NID2: variants seen among roughly 807,000 people sequenced by gnomAD.
NID2 encodes nidogen 2, also known as nidogen-2.
In NID2, 83 loss-of-function variants were observed where a neutral mutation model predicts 145.4. The observed-to-expected ratio is 0.57, with a 90% CI of 0.48 to 0.69. The LOEUF is 0.69. Ranked by LOEUF, NID2 falls within the 30% of genes least tolerant of loss-of-function variation. The pLI, the probability that NID2 is intolerant of heterozygous loss-of-function variation, is 0.00. For missense variants in NID2, 1,807 were observed against 1,765.7 expected (o/e 1.02, Z -0.42); for synonymous variants, 739 against 701.3 (o/e 1.05, Z -0.85).
At position 52,017,481 on chromosome 14, in the gene NID2, G is replaced by A. The variant is rs142404550; in HGVS notation, c.3028+1580C>T. ...GGAAAAAGTCCGCACAAGAGAACAC[G>A]ACCCTATTTTCGTCATTCACTTCTC... On this transcript the variant is annotated intron_variant, in intron 14 of 21. Transcript: ENST00000216286. Among the ~76,000 whole-genome samples the A allele has an allele frequency of 1.2e-4, 19 of 152,110 alleles. 1 individual carries two copies. The highest frequency in any genetic ancestry group is 1.2e-3 in the Admixed American group (18 of 15,274).
At chr14:52,065,576 C>A (rs1893170889) in intron 2 of NID2, among the ~76,000 whole-genome samples, 1 of 127,108 alleles carries the variant, frequency 7.9e-6, no homozygotes, top group African/African-American at 3.1e-5. Context: ...CATATGTATA[C>A]ATGTGCCATG....
chr14:52,048,767 A>G (rs1892590716), intron 5 of NID2, among the ~76,000 whole-genome samples: 1 of 152,144 alleles, frequency 6.6e-6, no homozygotes, highest in Non-Finnish European at 1.5e-5. Context: ...GGCTCTTTGA[A>G]ATAGTATGGT....
At chr14:52,021,530 G>A (rs551334298) in intron 12 of NID2, among the ~76,000 whole-genome samples, 4 of 152,172 alleles carry the variant, frequency 2.6e-5, no homozygotes, top group South Asian at 2.1e-4. Flanking sequence ...GGCATTAAGC[G>A]TAGGTGTTCT....
At position 52,060,106 on chromosome 14, in the gene NID2, C is replaced by G; in HGVS notation, c.767+18G>C. 1.9e-6 allele frequency: 3 copies of G among 1,552,804 alleles called. No individual in the cohort carries two copies. The highest frequency in any genetic ancestry group is 2.3e-5 in the South Asian group (2 of 88,254). Reference sequence around the variant, plus strand: ...CTTATATTCAAATAGGAAAGGGCTTCAGCTCAATGTTACTTACTGATAGAG... The same window carrying G: ...CTTATATTCAAATAGGAAAGGGCTTGAGCTCAATGTTACTTACTGATAGAG... On this transcript the variant is annotated intron_variant, in intron 3 of 21. Coordinates refer to ENST00000216286, the MANE Select transcript of NID2 (RefSeq NM_007361.4).
At chr14:52,040,390 C>T (rs1892235207) in intron 8 of NID2, among the ~76,000 whole-genome samples, 1 of 152,224 alleles carries the variant, frequency 6.6e-6, no homozygotes, top group East Asian at 1.9e-4. Flanking sequence ...CATCCCTACC[C>T]ACCCCATGGA....
Position 52,006,118 on chromosome 14 carries a change from C to G in NID2, c.4005-269G>C, listed in dbSNP as rs534612887. ...CTTAGACTTTAATGTTCCACAGTTC[C>G]TCATTTGAGAACTAGTCTAAATAGT... On this transcript the variant is annotated intron_variant, in intron 20 of 21. Transcript: ENST00000216286. 219 of 465,266 alleles carry G rather than the reference C, an allele frequency of 4.7e-4. 2 individuals carry two copies. The highest frequency in any genetic ancestry group is 4.7e-5 in the Non-Finnish European group (12 of 253,116). The allele number at this position is 465,266 out of a possible 1,614,324, so 28.8% of individuals were successfully genotyped here.
chr14:52,020,666 AG>A (rs1212722639), intron 12 of NID2, among the ~76,000 whole-genome samples: 5 of 152,210 alleles, frequency 3.3e-5, no homozygotes, highest in African/African-American at 9.7e-5. Flanking sequence ...AATATTTTTC[AG>A]CTAAGAAGCA....
intron 11 of NID2, among the ~76,000 whole-genome samples, chr14:52,027,987 T>C (rs1891652061): frequency 1.3e-5 from 2 of 152,194 alleles, no homozygotes; most frequent in Non-Finnish European, 2.9e-5. Context: ...TTTCTGGAAA[T>C]ACAGAAGAGG....
rs770125015 is a variant in NID2, at chr14:52,019,077, G to GT, written c.3011dup (p.His1004GlnfsTer17). ...TAAGCTCACCTGGTGATGGTCCACA[G>GT]TGAGGCGGGGTGGAGCCAGGTGGAG... On this transcript the variant is annotated frameshift_variant, in exon 14 of 22. Coordinates refer to ENST00000216286, the MANE Select transcript of NID2 (RefSeq NM_007361.4). LOFTEE classifies it high-confidence loss of function. The GT allele has an allele frequency of 1.9e-6, 3 of 1,613,784 alleles. No homozygotes were observed. In the South Asian group the frequency reaches 3.3e-5, roughly 18 times the overall value.
At chr14:52,044,308 C>T (rs796150850) in intron 5 of NID2, among the ~76,000 whole-genome samples, 115 of 124,690 alleles carry the variant, frequency 9.2e-4, no homozygotes, top group African/African-American at 3.4e-3. Context: ...CTCGCTCTGT[C>T]GCCCAGGCTG....
Position 52,011,658 on chromosome 14 carries a change from T to C in NID2, c.3446A>G (p.Tyr1149Cys), listed in dbSNP as rs777728181. ...GTACACCATCCTCTCCCGGCAGTCG[T>C]AATCAATTCCCACGATTATGGAGCC... ...LHGSIIVGID[Y>C]DCRERMVYWT... Residue 1149 changes from tyrosine to cysteine, a missense_variant, in exon 17 of 22, where the codon TAC becomes TGC. By Grantham distance (194) the Tyr-to-Cys change is radical. Coordinates refer to ENST00000216286, the MANE Select transcript of NID2 (RefSeq NM_007361.4). 12 of 1,614,096 alleles carry C rather than the reference T, an allele frequency of 7.4e-6. No homozygotes were observed. The East Asian group carries it at 2.7e-4, about 36-fold the overall frequency.
Position 52,005,822 on chromosome 14 carries a change from A to G in NID2, c.4032T>C (p.His1344=), listed in dbSNP as rs143035181. ...GATACTCATCAGTAAACTGGCCACT[A>G]TGTTTATTTACTGATACAACACCAT... ...RRDGVVSVNK[H]SGQFTDEYLP... Residue 1344 remains histidine (H), a synonymous_variant, in exon 21 of 22, where the codon CAT becomes CAC. Coordinates refer to ENST00000216286, the MANE Select transcript of NID2 (RefSeq NM_007361.4). The G allele has an allele frequency of 4.6e-5, 75 of 1,613,116 alleles. No homozygotes were observed. The African/African-American group carries it at 8.0e-4, about 17-fold the overall frequency.
intron 5 of NID2, among the ~76,000 whole-genome samples, chr14:52,044,234 G>A (rs1246675098): frequency 2.7e-5 from 4 of 148,872 alleles, no homozygotes; most frequent in Admixed American, 6.7e-5. Context: ...CTTCAATCGC[G>A]CTTAACATAT....
At chr14:52,046,819 G>A (rs973160812) in intron 5 of NID2, among the ~76,000 whole-genome samples, 7 of 152,162 alleles carry the variant, frequency 4.6e-5, no homozygotes, top group African/African-American at 1.7e-4. Flanking sequence ...TTTTAGGATG[G>A]TACTTACTGA....
At chr14:52,014,123 C>A (rs1470744524) in intron 16 of NID2, 164 bp downstream of exon 16, 1 of 817,470 alleles carries the variant, frequency 1.2e-6, no homozygotes, top group Admixed American at 2.0e-5. Flanking sequence ...AAGAGAGAGC[C>A]CTGGTCCTAT....
At chr14:52,063,704 C>A (rs746500850) in intron 2 of NID2, among the ~76,000 whole-genome samples, 1 of 152,196 alleles carries the variant, frequency 6.6e-6, no homozygotes, top group African/African-American at 2.4e-5. Flanking sequence ...TTCCTCAGGA[C>A]CACATGTCCT....
At chr14:52,006,872 A>G (rs767456656) in intron 19 of NID2, 5 of 403,120 alleles carry the variant, frequency 1.2e-5, no homozygotes, top group Non-Finnish European at 2.2e-5. Context: ...GGAAGACAGG[A>G]TTGCATTTAC....
At chr14:52,036,668 G>A (rs1357714100) in intron 9 of NID2, among the ~76,000 whole-genome samples, 2 of 152,116 alleles carry the variant, frequency 1.3e-5, no homozygotes, top group East Asian at 1.9e-4. Flanking sequence ...GCCAACACTT[G>A]TTATTACCCG....
At chr14:52,028,620 T>G (rs1206802070) in intron 11 of NID2, 102 bp downstream of exon 11, 1 of 1,331,126 alleles carries the variant, frequency 7.5e-7, no homozygotes, top group East Asian at 2.4e-5. Context: ...GAAAACCATA[T>G]AGCAGAGCCT....
Sources: gnomAD v4.1 joint callset for allele counts (sites outside exome capture counted in the v4.1 genomes callset) on GRCh38, gnomAD v4.1.1 for gene constraint, MANE v1.5 for transcripts, NCBI Gene and HGNC (gene_info 2026-07-23, HGNC 2026-07-21) for gene names.